Variants in VTA1 observed in about 807,000 individuals in gnomAD.
VTA1 encodes the protein vacuolar protein sorting-associated protein VTA1 homolog.
VTA1 carries 24 observed loss-of-function variants against 36.9 expected under a neutral mutation model. That is an observed-to-expected ratio of 0.65 (90% CI 0.47 to 0.91). The LOEUF is 0.91. VTA1 is among the 40% of genes least tolerant of loss of function. The probability of loss-of-function intolerance (pLI) is 0.00; values close to 1 mark genes in which losing one functional copy is unlikely to be tolerated. For missense variants in VTA1, 393 were observed against 377.2 expected, an observed-to-expected ratio of 1.04 and a Z score of -0.35; for synonymous variants, 142 against 130.2, an observed-to-expected ratio of 1.09 and a Z score of -0.62.
chr6:142,201,939 A>T (rs1490844521), intron 6 of VTA1, among the ~76,000 whole-genome samples: 1 of 151,850 alleles, frequency 6.6e-6, no homozygotes, highest in Non-Finnish European at 1.5e-5. Context: ...ATAAATAGAG[A>T]TTTGTTTGGA....
intron 7 of VTA1, among the ~76,000 whole-genome samples, chr6:142,214,067 A>G (rs1775961089): frequency 6.6e-6 from 1 of 152,106 alleles, no homozygotes; most frequent in African/African-American, 2.4e-5. Context: ...TTTTAAATAT[A>G]AGTTCCATTT....
At chr6:142,200,378 T>C (rs1390105445) in intron 6 of VTA1, among the ~76,000 whole-genome samples, 1 of 151,926 alleles carries the variant, frequency 6.6e-6, no homozygotes, top group Non-Finnish European at 1.5e-5. Context: ...TTAAAATTAT[T>C]ATGCGAATCA....
At chr6:142,211,206 AG>A (rs1467284948) in intron 7 of VTA1, among the ~76,000 whole-genome samples, 1 of 152,216 alleles carries the variant, frequency 6.6e-6, no homozygotes, top group Non-Finnish European at 1.5e-5. Context: ...TGGAAAAAAA[AG>A]AATATACGTG....
chr6:142,166,244 G>A lies in VTA1; in HGVS notation c.129G>A (p.Met43Ile), dbSNP rs761011756. Reference sequence around the variant, plus strand: ...TCTTTCTAGGTCGTTTATACGCAATGCAGACTGGAATGAAGATCGATAGTA... The same window carrying A: ...TCTTTCTAGGTCGTTTATACGCAATACAGACTGGAATGAAGATCGATAGTA... Reference protein sequence around the residue: ...VVAYYCRLYAMQTGMKIDSKT... With the variant: ...VVAYYCRLYAIQTGMKIDSKT... The change falls in exon 2 of 8, where the codon ATG becomes ATA. Residue 43 changes from methionine to isoleucine, a missense_variant. Met to Ile is a conservative substitution (Grantham distance 10). Coordinates refer to ENST00000367630, the MANE Select transcript of VTA1 (RefSeq NM_016485.5). 3.7e-6 allele frequency: 6 copies of A among 1,610,314 alleles called. No homozygotes were observed. In the South Asian group the frequency reaches 6.6e-5, roughly 18 times the overall value.
At chr6:142,199,756 A>G (rs1369890865) in intron 6 of VTA1, among the ~76,000 whole-genome samples, 1 of 152,094 alleles carries the variant, frequency 6.6e-6, no homozygotes, top group Admixed American at 6.5e-5. Context: ...TAATTTTAGC[A>G]CTGATCTTTT....
intron 4 of VTA1, among the ~76,000 whole-genome samples, chr6:142,185,605 T>G (rs1775324208): frequency 6.6e-6 from 1 of 152,174 alleles, no homozygotes; most frequent in Non-Finnish European, 1.5e-5. Context: ...TTTGAAAAAT[T>G]AAAAATAATC....
chr6:142,172,256 G>A, intron 4 of VTA1, among the ~76,000 whole-genome samples: 1 of 152,154 alleles, frequency 6.6e-6, no homozygotes, highest in Non-Finnish European at 1.5e-5. Flanking sequence ...TGATCCACCT[G>A]CCTCGGCCTC....
intron 7 of VTA1, among the ~76,000 whole-genome samples, chr6:142,206,928 A>G (rs918500449): frequency 1.3e-5 from 2 of 152,224 alleles, no homozygotes; most frequent in African/African-American, 2.4e-5. Context: ...CCTTCCACTC[A>G]TCTCAAAATT....
At chr6:142,170,037 T>A (rs1774998387) in intron 3 of VTA1, among the ~76,000 whole-genome samples, 1 of 152,152 alleles carries the variant, frequency 6.6e-6, no homozygotes, top group South Asian at 2.1e-4. Context: ...AGTATAATAT[T>A]TACATTTAAA....
At position 142,163,692 on chromosome 6, in the gene VTA1, G is replaced by A. The variant is rs1053778867; in HGVS notation, c.113-2536G>A. 5.9e-5 allele frequency among the ~76,000 whole-genome samples: 9 copies of A among 152,120 alleles called. No homozygotes were observed. In the East Asian group the frequency reaches 1.5e-3, roughly 26 times the overall value. ...ACGAGATTTTGGTAGAAGGCATGGG[G>A]GTGTGGGGAAGAGGCATGGGCTAGG... On this transcript the variant is annotated intron_variant, in intron 1 of 7. Coordinates refer to ENST00000367630, the MANE Select transcript of VTA1 (RefSeq NM_016485.5).
intron 5 of VTA1, among the ~76,000 whole-genome samples, chr6:142,195,970 C>T (rs1775537405): frequency 6.6e-6 from 1 of 151,828 alleles, no homozygotes; most frequent in African/African-American, 2.4e-5. Flanking sequence ...GGTGAATGTC[C>T]CATGTGCAGT....
chr6:142,198,694 CATA>C, intron 6 of VTA1, 79 bp downstream of exon 6: 1 of 1,315,454 alleles, frequency 7.6e-7, no homozygotes, highest in Non-Finnish European at 1.0e-6. Flanking sequence ...ATATGTGCCT[CATA>C]ATGATGGTCA....
chr6:142,221,747 G>A lies in VTA1; in HGVS notation c.*3104G>A, dbSNP rs921237186. ...GCAGGCGGATCATCTGAGGTCAGGA[G>A]TATATATTTATTAATATATAAATAT... On this transcript the variant is annotated 3_prime_UTR_variant, in exon 8 of 8. Coordinates refer to ENST00000367630, the MANE Select transcript of VTA1 (RefSeq NM_016485.5). 14 of 149,106 alleles carry A rather than the reference G, an allele frequency of 9.4e-5. No homozygotes were observed. The highest frequency in any genetic ancestry group is 3.2e-4 in the African/African-American group (13 of 40,756). The allele number at this position is 149,106 out of a possible 1,614,324, so 9.2% of individuals were successfully genotyped here.
intron 4 of VTA1, among the ~76,000 whole-genome samples, chr6:142,173,311 T>A (rs1403243400): frequency 6.6e-6 from 1 of 152,212 alleles, no homozygotes; most frequent in Non-Finnish European, 1.5e-5. Flanking sequence ...ATAAACACAT[T>A]CGTAGATGTG....
chr6:142,224,045 C>G lies in VTA1; in HGVS notation c.*5402C>G, dbSNP rs1274454369. 2 of 152,122 alleles carry G rather than the reference C, an allele frequency of 1.3e-5. No homozygotes were observed. The allele number at this position is 152,122 out of a possible 1,614,324, so 9.4% of individuals were successfully genotyped here. A position where few individuals can be genotyped will look rare whatever the true frequency, so the allele number is the denominator to read the frequency against. ...AGAATTCATATTTTGAAGCACTGAT[C>G]TCCAGTGTGTCTGTGTTCAGAGGCA... On this transcript the variant is annotated 3_prime_UTR_variant, in exon 8 of 8. Coordinates refer to ENST00000367630, the MANE Select transcript of VTA1 (RefSeq NM_016485.5).
intron 4 of VTA1, among the ~76,000 whole-genome samples, chr6:142,176,422 G>T (rs1342206155): frequency 6.6e-6 from 1 of 152,170 alleles, no homozygotes; most frequent in Non-Finnish European, 1.5e-5. Flanking sequence ...GAAATGTAGG[G>T]AAGGTATGCA....
At chr6:142,199,651 A>G (rs1933880716) in intron 6 of VTA1, among the ~76,000 whole-genome samples, 1 of 152,132 alleles carries the variant, frequency 6.6e-6, no homozygotes, top group South Asian at 2.1e-4. Context: ...AACATCAAGT[A>G]TGATTAGTGT....
intron 1 of VTA1, among the ~76,000 whole-genome samples, chr6:142,160,689 C>T (rs1774784642): frequency 6.6e-6 from 1 of 152,078 alleles, no homozygotes; most frequent in South Asian, 2.1e-4. Flanking sequence ...TCATGGTCTT[C>T]CTCTATCTCT....
intron 4 of VTA1, among the ~76,000 whole-genome samples, chr6:142,188,066 C>T (rs1469584714): frequency 1.3e-5 from 2 of 151,084 alleles, no homozygotes; most frequent in Non-Finnish European, 3.0e-5. Flanking sequence ...TGCCACCATG[C>T]CCGGCTAATT....
Sources: gnomAD v4.1 joint callset for allele counts (sites outside exome capture counted in the v4.1 genomes callset) on GRCh38, gnomAD v4.1.1 for gene constraint, MANE v1.5 for transcripts, NCBI Gene and HGNC (gene_info 2026-07-23, HGNC 2026-07-21) for gene names.